The following HPSE2 variants were observed in gnomAD, a reference collection of about 807,000 sequenced individuals.
HPSE2 encodes the protein inactive heparanase-2.
In HPSE2, 38 loss-of-function variants were observed where a neutral mutation model predicts 60.5. The ratio of observed to expected loss-of-function variants is 0.63; its 90% CI spans 0.48 to 0.82. The LOEUF (loss-of-function observed/expected upper bound fraction) is 0.82. Among genes scored for constraint, HPSE2 ranks in the 40% least tolerant of loss-of-function variants. The pLI is 0.00. For synonymous variants in HPSE2, 295 were observed against 293.2 expected (o/e 1.01, Z -0.06); for missense variants, 713 against 740.4 (o/e 0.96, Z 0.43).
chr10:98,946,410 C>T (rs925796372), intron 3 of HPSE2, among the ~76,000 whole-genome samples: 1 of 150,250 alleles, frequency 6.7e-6, no homozygotes, highest in Non-Finnish European at 1.5e-5. Flanking sequence ...GAGTTTTAGA[C>T]TGCAGTAAGT....
chr10:99,163,474 ATT>A (rs1195269841), intron 2 of HPSE2, among the ~76,000 whole-genome samples: 1 of 152,164 alleles, frequency 6.6e-6, no homozygotes, highest in Non-Finnish European at 1.5e-5. Context: ...TGAAAGTAAT[ATT>A]CTTATATGTA....
intron 3 of HPSE2, among the ~76,000 whole-genome samples, chr10:98,791,511 A>T (rs115839818): frequency 0.014 from 2,117 of 152,264 alleles, 44 homozygotes; most frequent in African/African-American, 0.048. Context: ...CCTTATAAGG[A>T]ACTATTTTCC....
chr10:99,240,659 G>A (rs377650726), upstream of HPSE2, among the ~76,000 whole-genome samples: 3 of 152,084 alleles, frequency 2.0e-5, no homozygotes, highest in Admixed American at 6.5e-5. Context: ...CGATCTGCCC[G>A]CCTCGGCTTC....
Position 98,643,159 on chromosome 10 carries a change from C to T in HPSE2, c.1005-1219G>A, listed in dbSNP as rs118169948. On this transcript the variant is annotated intron_variant, in intron 6 of 11. Transcript: ENST00000370552. ...TGTTGGAGCAAATTTGGCTTTTAGC[C>T]AGAAATATCTGACTTCAAATTCCAG... Among the ~76,000 whole-genome samples, 734 of 152,262 alleles carry T rather than the reference C, an allele frequency of 4.8e-3. 19 individuals carry two copies. The highest frequency in any genetic ancestry group is 0.035 in the East Asian group (180 of 5,176).
At chr10:98,691,740 G>T (rs1948082289) in intron 6 of HPSE2, among the ~76,000 whole-genome samples, 1 of 152,164 alleles carries the variant, frequency 6.6e-6, no homozygotes, top group South Asian at 2.1e-4. Flanking sequence ...ACAACTTTAA[G>T]TCCAACATTT....
chr10:99,090,099 A>T (rs1367526588), intron 3 of HPSE2, among the ~76,000 whole-genome samples: 1 of 152,082 alleles, frequency 6.6e-6, no homozygotes, highest in Non-Finnish European at 1.5e-5. Context: ...TTCCATATAC[A>T]ATCATGTCAT....
chr10:99,192,198 T>C (rs1848245658), intron 2 of HPSE2, among the ~76,000 whole-genome samples: 1 of 152,090 alleles, frequency 6.6e-6, no homozygotes, highest in Non-Finnish European at 1.5e-5. Flanking sequence ...AGGGATAATA[T>C]CAGAAAACAT....
intron 3 of HPSE2, among the ~76,000 whole-genome samples, chr10:98,875,255 A>C (rs757960063): frequency 2.8e-4 from 42 of 152,214 alleles, no homozygotes; most frequent in Non-Finnish European, 5.1e-4. Context: ...TTTTGAAAAG[A>C]TTAACAAAAT....
At position 99,090,310 on chromosome 10, in the gene HPSE2, T is replaced by G. The variant is rs116333182; in HGVS notation, c.610+53928A>C. Among the ~76,000 whole-genome samples the G allele has an allele frequency of 6.6e-3, 1,009 of 152,206 alleles. 7 individuals carry two copies. The highest frequency in any genetic ancestry group is 0.023 in the African/African-American group (937 of 41,536). ...ACATTTTGTTTAGCTTATTTTCTCT[T>G]CTCTTCTAAAATGGTCATTATTATA... On this transcript the variant is annotated intron_variant, in intron 3 of 11. Coordinates refer to ENST00000370552, the MANE Select transcript of HPSE2 (RefSeq NM_021828.5).
intron 3 of HPSE2, among the ~76,000 whole-genome samples, chr10:98,750,932 C>T (rs1424725010): frequency 6.6e-6 from 1 of 152,030 alleles, no homozygotes; most frequent in African/African-American, 2.4e-5. Flanking sequence ...AGATAGAGAA[C>T]CTTTTACTGG....
At chr10:98,882,375 C>T (rs1224120696) in intron 3 of HPSE2, among the ~76,000 whole-genome samples, 1 of 151,954 alleles carries the variant, frequency 6.6e-6, no homozygotes, top group Non-Finnish European at 1.5e-5. Context: ...CTCAAAGTCT[C>T]GATGACTTAC....
intron 3 of HPSE2, among the ~76,000 whole-genome samples, chr10:99,101,099 G>C (rs1390486920): frequency 6.6e-6 from 1 of 152,126 alleles, no homozygotes; most frequent in African/African-American, 2.4e-5. Context: ...AAAATAACCA[G>C]CTAACATCAT....
chr10:98,752,634 G>C (rs1478304314), intron 3 of HPSE2, among the ~76,000 whole-genome samples: 3 of 152,078 alleles, frequency 2.0e-5, no homozygotes, highest in Admixed American at 1.3e-4. Flanking sequence ...GTCTTGAAAG[G>C]GTATAGGGGA....
At chr10:98,969,965 C>CT (rs34345841) in intron 3 of HPSE2, among the ~76,000 whole-genome samples, 23,133 of 146,324 alleles carry the variant, frequency 0.16, 1,969 homozygotes, top group Admixed American at 0.23. Flanking sequence ...CTGTCACCCA[C>CT]TTTTTTTTTT....
chr10:98,615,215 CATTT>C (rs1421405485), intron 8 of HPSE2, among the ~76,000 whole-genome samples, 197 bp from the exon 9 acceptor site: 14 of 152,280 alleles, frequency 9.2e-5, no homozygotes, highest in African/African-American at 3.1e-4. Context: ...CCAACCTCTT[CATTT>C]GATAGAAAAA....
chr10:99,305,693 G>A, the HPSE2 span, among the ~76,000 whole-genome samples: 2 of 151,960 alleles, frequency 1.3e-5, no homozygotes, highest in African/African-American at 4.8e-5. Context: ...ACAGATATTG[G>A]AGTTAGCAGA....
chr10:98,654,613 C>T (rs1197276665), intron 6 of HPSE2, among the ~76,000 whole-genome samples: 1 of 152,028 alleles, frequency 6.6e-6, no homozygotes, highest in Admixed American at 6.6e-5. Flanking sequence ...TTATATTAAC[C>T]ATGTATTTTT....
chr10:99,197,617 T>C (rs985499923), intron 2 of HPSE2, among the ~76,000 whole-genome samples: 53 of 152,318 alleles, frequency 3.5e-4, no homozygotes, highest in African/African-American at 1.2e-3. Context: ...TGCGAAGCAC[T>C]TAGCAAATAG....
chr10:99,132,195 G>GAAAGAAAGAAAGAAAGAC (rs1564832790), intron 3 of HPSE2, among the ~76,000 whole-genome samples: 7 of 14,138 alleles, frequency 5.0e-4, no homozygotes, highest in Admixed American at 2.2e-3. Flanking sequence ...GAAAGAAAGA[G>GAAAGAAAGAAAGAAAGAC]AGAGAGAGAG....
Sources: allele counts gnomAD v4.1 joint callset (sites outside exome capture counted in the v4.1 genomes callset), GRCh38; gene constraint gnomAD v4.1.1; transcripts MANE v1.5; gene names NCBI Gene and HGNC (gene_info 2026-07-23, HGNC 2026-07-21).